The following UBR1 variants were observed in gnomAD, a reference collection of about 807,000 sequenced individuals.
The protein encoded by UBR1 is E3 ubiquitin-protein ligase UBR1.
A neutral mutation model predicts 242.1 loss-of-function variants in UBR1; 102 were observed. The ratio of observed to expected loss-of-function variants is 0.42; its 90% CI spans 0.36 to 0.50. The LOEUF (loss-of-function observed/expected upper bound fraction) is 0.50, where lower values mean the gene tolerates loss of function less well. Among genes scored for constraint, UBR1 ranks in the 20% least tolerant of loss-of-function variants. UBR1 has a pLI of 0.01. For missense variants in UBR1, 1,772 were observed against 2,101.8 expected (o/e 0.84, Z 3.07); for synonymous variants, 675 against 684.8 (o/e 0.99, Z 0.22).
intron 28 of UBR1, 55 bp from the exon 29 acceptor site, chr15:43,015,924 A>C (rs2033017417): frequency 6.5e-7 from 1 of 1,547,966 alleles, no homozygotes; most frequent in African/African-American, 1.4e-5. Flanking sequence ...ACATTTATAT[A>C]CGCTGTTTGG....
At position 43,075,956 on chromosome 15, in the gene UBR1, G is replaced by GCCCTCTCCCTCT. The variant is rs200961790; in HGVS notation, c.418-879_418-868dup. On this transcript the variant is annotated intron_variant, in intron 3 of 46. Transcript: ENST00000290650. ...ATTAAACAAACTTAAAAAAACTCAT[G>GCCCTCTCCCTCT]CCCTCTCCCTCTCCCTCTCCCTCTC... 1.7e-3 allele frequency among the ~76,000 whole-genome samples: 179 copies of GCCCTCTCCCTCT among 105,336 alleles called. 4 individuals are homozygous for GCCCTCTCCCTCT. Among genetic ancestry groups the GCCCTCTCCCTCT allele is most frequent in the African/African-American group, 5.9e-3 (168 of 28,544 alleles). The allele number at this position is 105,336 out of a possible 152,430, so 69.1% of individuals were successfully genotyped here.
chr15:43,047,702 A>T (rs1319444481), intron 13 of UBR1, among the ~76,000 whole-genome samples: 2 of 152,206 alleles, frequency 1.3e-5, no homozygotes, highest in Non-Finnish European at 2.9e-5. Flanking sequence ...CCTTAACCTC[A>T]TCACCCAACA....
chr15:43,054,885 A>G lies in UBR1; in HGVS notation c.1296T>C (p.Ile432=), dbSNP rs376576173. 1.8e-5 allele frequency: 29 copies of G among 1,614,022 alleles called. No individual in the cohort carries two copies. Among genetic ancestry groups the G allele is most frequent in the Middle Eastern group, 1.6e-4 (1 of 6,082 alleles). The change falls in exon 12 of 47, where the codon ATT becomes ATC. Residue 432 remains isoleucine (I), a synonymous_variant. Coordinates refer to ENST00000290650, the MANE Select transcript of UBR1 (RefSeq NM_174916.3). ...TGACAGAGATAACATTCTGCTCTTC[A>G]ATAAGATGTCGAGCCTGCGGAATAT... ...FTVPTLARHL[I]EEQNVISVIT...
Position 43,060,129 on chromosome 15 carries a change from A to C in UBR1, c.799-15T>G, listed in dbSNP as rs1011194648. 11 of 1,612,534 alleles carry C rather than the reference A, an allele frequency of 6.8e-6. No individual in the cohort carries two copies. The African/African-American group carries it at 1.2e-4, about 18-fold the overall frequency. The stretch of plus-strand genomic sequence containing the variant: ...GCCCGACGACCCTAATTATAGACAA[A>C]AGTGAGAATTAGGTAGTGAAATGAT... On this transcript the variant is annotated splice_polypyrimidine_tract_variant and intron_variant, in intron 6 of 46. Coordinates refer to ENST00000290650, the MANE Select transcript of UBR1 (RefSeq NM_174916.3).
intron 46 of UBR1, among the ~76,000 whole-genome samples, chr15:42,947,930 A>G (rs956898463): frequency 8.5e-5 from 13 of 152,266 alleles, no homozygotes; most frequent in African/African-American, 2.6e-4. Context: ...ATTGGAAAAA[A>G]CTACTTTAAA....
intron 29 of UBR1, among the ~76,000 whole-genome samples, chr15:43,015,414 T>C (rs1295388047): frequency 6.6e-6 from 1 of 152,096 alleles, no homozygotes; most frequent in African/African-American, 2.4e-5. Flanking sequence ...CGGTGCAAGA[T>C]GTGCTTTGTT....
chr15:43,015,331 C>T (rs1275267102), intron 29 of UBR1, among the ~76,000 whole-genome samples: 1 of 152,068 alleles, frequency 6.6e-6, no homozygotes, highest in Non-Finnish European at 1.5e-5. Context: ...TCCTGTTGAT[C>T]TATGACCTTA....
At position 43,002,589 on chromosome 15, in the gene UBR1, G is replaced by C; in HGVS notation, c.3625C>G (p.Pro1209Ala). ...TTTTGAGGTTGCAAAGGAATAATGG[G>C]GATCACAGTATTGCACAGAGATTTG... ...LCKSLCNTVIPIIPLQPQKIN... is the reference protein window; with the variant it reads ...LCKSLCNTVIAIIPLQPQKIN... Residue 1209 changes from proline to alanine, a missense_variant, in exon 32 of 47, where the codon CCC becomes GCC. Physicochemically the swap from Pro to Ala is conservative, Grantham distance 27. Transcript: ENST00000290650. The C allele has an allele frequency of 6.2e-7, 1 of 1,614,032 alleles. No homozygotes were observed. The highest frequency in any genetic ancestry group is 1.7e-5 in the Admixed American group (1 of 60,012).
At chr15:43,100,032 T>C (rs1003320197) in intron 1 of UBR1, among the ~76,000 whole-genome samples, 7 of 152,082 alleles carry the variant, frequency 4.6e-5, no homozygotes, top group Admixed American at 6.6e-5. Flanking sequence ...CCCGCCATCA[T>C]GCCCGGCTAA....
At chr15:43,024,781 C>T in intron 25 of UBR1, 48 bp downstream of exon 25, 1 of 1,613,076 alleles carries the variant, frequency 6.2e-7, no homozygotes, top group Non-Finnish European at 8.5e-7. Context: ...CCTAGCTCCC[C>T]AAGAACTCTA....
Position 42,966,207 on chromosome 15 carries a change from C to T in UBR1, c.4537G>A (p.Ala1513Thr). ...CCAAGTAAATAGTGGAAAAACAATG[C>T]AGCACAGCGAAGATAAGGGGTGATG... Reference protein sequence around the residue: ...NGITPYLRCAALFFHYLLGVT... With the variant: ...NGITPYLRCATLFFHYLLGVT... The change falls in exon 41 of 47, where the codon GCA (alanine) becomes ACA (threonine). Residue 1513 changes from alanine to threonine, a missense_variant. By Grantham distance (58) the Ala-to-Thr change is moderately conservative (BLOSUM62 0). Coordinates refer to ENST00000290650, the MANE Select transcript of UBR1 (RefSeq NM_174916.3). The T allele has an allele frequency of 6.2e-7, 1 of 1,614,154 alleles. No individual in the cohort carries two copies. Among genetic ancestry groups the T allele is most frequent in the Non-Finnish European group, 8.5e-7 (1 of 1,180,026 alleles).
rs1277676376 is a variant in UBR1 at position 43,086,249 on chromosome 15, AAAG to A, written c.82-12_82-10del. 2.5e-6 allele frequency: 4 copies of A among 1,613,618 alleles called. No individual in the cohort carries two copies. The highest frequency in any genetic ancestry group is 1.3e-5 in the African/African-American group (1 of 75,032). ...ACTTGCTGATCCCACCACTAAAAGA[AAAG>A]AAGATGAAAATTAGACTGACTTACA... On this transcript the variant is annotated splice_polypyrimidine_tract_variant and intron_variant, in intron 1 of 46. Coordinates refer to ENST00000290650, the MANE Select transcript of UBR1 (RefSeq NM_174916.3).
At chr15:42,953,929 C>T (rs1202478597) in intron 44 of UBR1, among the ~76,000 whole-genome samples, 1 of 148,924 alleles carries the variant, frequency 6.7e-6, no homozygotes, top group Non-Finnish European at 1.5e-5. Context: ...GTCACCCAGG[C>T]TGAAGTCCAG....
At chr15:42,951,161 T>C (rs1425587055) in intron 45 of UBR1, among the ~76,000 whole-genome samples, 1 of 152,174 alleles carries the variant, frequency 6.6e-6, no homozygotes, top group Admixed American at 6.5e-5. Context: ...AGGATATATA[T>C]CCACTTTGAA....
chr15:43,036,422 A>G, intron 18 of UBR1, 106 bp downstream of exon 18: 1 of 1,189,798 alleles, frequency 8.4e-7, no homozygotes, highest in Non-Finnish European at 1.3e-6. Flanking sequence ...TCAGTTTAAC[A>G]GTGAGAGTAT....
intron 33 of UBR1, among the ~76,000 whole-genome samples, chr15:42,993,093 C>T (rs992298004): frequency 1.3e-5 from 2 of 152,190 alleles, no homozygotes; most frequent in Non-Finnish European, 2.9e-5. Flanking sequence ...GCTTCTTTTC[C>T]TGATCCTCTG....
chr15:43,018,152 G>A (rs1315054300), intron 27 of UBR1, among the ~76,000 whole-genome samples: 5 of 151,574 alleles, frequency 3.3e-5, no homozygotes, highest in Non-Finnish European at 4.4e-5. Context: ...ACAGGTGCCC[G>A]CCATAACGCC....
intron 30 of UBR1, among the ~76,000 whole-genome samples, chr15:43,005,960 C>G (rs2032820407): frequency 1.3e-5 from 2 of 150,034 alleles, no homozygotes; most frequent in Admixed American, 1.3e-4. Context: ...CGGAAGGCCG[C>G]AGGGTCCTCT....
chr15:43,045,921 G>A (rs976907029), intron 14 of UBR1, among the ~76,000 whole-genome samples: 3 of 152,200 alleles, frequency 2.0e-5, no homozygotes, highest in East Asian at 1.9e-4. Context: ...GATGGTTAAA[G>A]TACTCAAGAA....
Sources: allele counts gnomAD v4.1 joint callset (sites outside exome capture counted in the v4.1 genomes callset), GRCh38; gene constraint gnomAD v4.1.1; transcripts MANE v1.5; gene names NCBI Gene and HGNC (gene_info 2026-07-23, HGNC 2026-07-21).